The following UTP18 variants were observed in gnomAD, a reference collection of about 807,000 sequenced individuals.
The protein encoded by UTP18 is U3 small nucleolar RNA-associated protein 18 homolog.
A neutral mutation model predicts 61.1 loss-of-function variants in UTP18; 36 were observed. That is an observed-to-expected ratio of 0.59 (90% CI 0.45 to 0.78). The LOEUF (loss-of-function observed/expected upper bound fraction) is 0.78. UTP18 is among the 30% of genes least tolerant of loss of function. The pLI is 0.00. For missense variants in UTP18, 753 were observed against 693.9 expected, an observed-to-expected ratio of 1.09 and a Z score of -0.96; for synonymous variants, 282 against 251.1, an observed-to-expected ratio of 1.12 and a Z score of -1.16.
rs769939760 is a variant in UTP18, at chr17:51,260,546, G to C, written c.-39G>C. On this transcript the variant is annotated 5_prime_UTR_variant, in exon 1 of 14. Transcript: ENST00000225298. ...GGGGCCTGGGCGCATGCGCAGCGAG[G>C]TTCCACGTGAGCGCCTGCGTTTCTC... 3 of 1,587,286 alleles carry C rather than the reference G, an allele frequency of 1.9e-6. No homozygotes were observed. Among genetic ancestry groups the C allele is most frequent in the Admixed American group, 1.8e-5 (1 of 54,896 alleles).
intron 2 of UTP18, among the ~76,000 whole-genome samples, chr17:51,263,788 A>C (rs1034018851): frequency 1.4e-4 from 22 of 152,240 alleles, no homozygotes; most frequent in African/African-American, 5.3e-4. Flanking sequence ...TAGAACTTTT[A>C]GCACAGTGCC....
Position 51,268,880 on chromosome 17 carries a change from A to G in UTP18, c.598A>G (p.Thr200Ala), listed in dbSNP as rs551580951. The G allele has an allele frequency of 4.3e-6, 7 of 1,614,008 alleles. No homozygotes were observed. In the African/African-American group the frequency reaches 9.3e-5, roughly 22 times the overall value. Reference protein sequence around the residue: ...MGGVPAWAETTKRKTSSDDES... With the variant: ...MGGVPAWAETAKRKTSSDDES... ...AGGAGTACCTGCCTGGGCAGAGACT[A>G]CTAAGCGGAAAACATCTTCAGATGG... Residue 200 changes from threonine (T) to alanine (A), a missense_variant, in exon 4 of 14, where the codon ACT becomes GCT. Transcript: ENST00000225298.
chr17:51,264,019 T>A (rs925467427), intron 2 of UTP18, among the ~76,000 whole-genome samples: 1 of 151,976 alleles, frequency 6.6e-6, no homozygotes, highest in Non-Finnish European at 1.5e-5. Context: ...GGGTAGATTT[T>A]CTTTTTCCCT....
intron 8 of UTP18, 132 bp downstream of exon 8, chr17:51,280,237 G>A: frequency 1.6e-6 from 2 of 1,275,250 alleles, no homozygotes; most frequent in Non-Finnish European, 2.2e-6. Flanking sequence ...TTGGAGAGAA[G>A]TTGTGGGCAG....
At chr17:51,293,615 C>G (rs1241569797) in intron 11 of UTP18, among the ~76,000 whole-genome samples, 1 of 152,010 alleles carries the variant, frequency 6.6e-6, no homozygotes. Context: ...TTGGACACCC[C>G]TGTCCACCAT....
At chr17:51,296,894 T>C (rs558155544) in intron 12 of UTP18, 71 bp from the exon 13 acceptor site, 1 of 1,458,462 alleles carries the variant, frequency 6.9e-7, no homozygotes, top group Admixed American at 2.0e-5. Context: ...TAAGTGCCCT[T>C]CTGTGATCTA....
chr17:51,293,878 T>TA (rs1905294310), intron 11 of UTP18, 25 bp from the exon 12 acceptor site: 1 of 1,506,586 alleles, frequency 6.6e-7, no homozygotes, highest in African/African-American at 1.4e-5. Flanking sequence ...TGTTACACTT[T>TA]AAAGTTTTTT....
At chr17:51,279,966 A>G (rs1173530848) in intron 7 of UTP18, 39 bp from the exon 8 acceptor site, 14 of 1,494,368 alleles carry the variant, frequency 9.4e-6, no homozygotes, top group Non-Finnish European at 1.2e-5. Flanking sequence ...ATTGAAAACT[A>G]TATAAAACTT....
At chr17:51,280,326 C>T (rs1411184496) in intron 8 of UTP18, 63 bp from the exon 9 acceptor site, 16 of 1,559,520 alleles carry the variant, frequency 1.0e-5, no homozygotes, top group Middle Eastern at 1.8e-4. Context: ...TGTTTTTACT[C>T]TACATTGTGT....
intron 9 of UTP18, among the ~76,000 whole-genome samples, chr17:51,281,355 CA>C (rs1904915547): frequency 6.6e-6 from 1 of 151,884 alleles, no homozygotes; most frequent in South Asian, 2.1e-4. Flanking sequence ...AAAGATTATT[CA>C]GGGGTAAATC....
intron 4 of UTP18, among the ~76,000 whole-genome samples, chr17:51,269,272 G>A (rs1402717406): frequency 3.6e-5 from 4 of 111,708 alleles, no homozygotes; most frequent in African/African-American, 1.4e-4. Context: ...TCCAGCCTGG[G>A]TGACAGAGTG....
chr17:51,287,577 G>A (rs1330353722), intron 10 of UTP18, among the ~76,000 whole-genome samples: 1 of 152,182 alleles, frequency 6.6e-6, no homozygotes, highest in Middle Eastern at 3.2e-3. Context: ...GGGTGATGGT[G>A]TTAGAAGAGA....
rs1216724306 is a variant in UTP18, at chr17:51,285,240, T to C, written c.1205-5T>C. ...AACAACTCTTTTTTTCGCTCTTTTA[T>C]GCAGGGGATGGAGAAGTTTATGTTT... On this transcript the variant is annotated splice_polypyrimidine_tract_variant and splice_region_variant and intron_variant, in intron 9 of 13. Transcript: ENST00000225298. The C allele has an allele frequency of 1.9e-6, 3 of 1,613,228 alleles. No individual in the cohort carries two copies. Among genetic ancestry groups the C allele is most frequent in the Non-Finnish European group, 2.5e-6 (3 of 1,179,780 alleles).
chr17:51,277,428 G>A, intron 7 of UTP18, 124 bp downstream of exon 7: 1 of 1,135,190 alleles, frequency 8.8e-7, no homozygotes. Context: ...TAGGTATAGT[G>A]TTTGGAAAAT....
At position 51,297,020 on chromosome 17, in the gene UTP18, C is replaced by A. The variant is rs1475812483; in HGVS notation, c.*14+17C>A. ...CTATTTGAAGTAAGAAAACCCTTTT[C>A]TTACAAATTCTGCAGGTTTTAAGAT... On this transcript the variant is annotated intron_variant, in intron 13 of 13. Coordinates refer to ENST00000225298, the MANE Select transcript of UTP18 (RefSeq NM_016001.3). 3 of 1,599,584 alleles carry A rather than the reference C, an allele frequency of 1.9e-6. No homozygotes were observed. The highest frequency in any genetic ancestry group is 2.7e-5 in the African/African-American group (2 of 74,072).
chr17:51,286,696 A>G (rs1039515248), intron 10 of UTP18: 5 of 371,452 alleles, frequency 1.3e-5, no homozygotes, highest in Non-Finnish European at 2.1e-5. Flanking sequence ...GTAGCGAGGG[A>G]CATCTCAGCA....
At chr17:51,281,160 A>AT (rs1475267250) in intron 9 of UTP18, among the ~76,000 whole-genome samples, 682 of 91,732 alleles carry the variant, frequency 7.4e-3, no homozygotes, top group African/African-American at 0.027. Flanking sequence ...ATATATATAT[A>AT]TATATTTTTT....
chr17:51,292,423 T>C (rs916786043), intron 11 of UTP18, among the ~76,000 whole-genome samples: 8 of 152,264 alleles, frequency 5.3e-5, no homozygotes, highest in East Asian at 3.8e-4. Flanking sequence ...GGAGATTCAC[T>C]GTAAACAGTA....
At chr17:51,271,581 T>G (rs1386428741) in intron 4 of UTP18, among the ~76,000 whole-genome samples, 9 of 152,226 alleles carry the variant, frequency 5.9e-5, no homozygotes, top group Admixed American at 5.9e-4. Flanking sequence ...TGGGTATATT[T>G]TTCTGATTCG....
Sources: gnomAD v4.1 joint callset for allele counts (sites outside exome capture counted in the v4.1 genomes callset) on GRCh38, gnomAD v4.1.1 for gene constraint, MANE v1.5 for transcripts, NCBI Gene and HGNC (gene_info 2026-07-23, HGNC 2026-07-21) for gene names.